The following NFASC variants were observed in gnomAD, a reference collection of about 807,000 sequenced individuals.
NFASC encodes neurofascin homolog.
Under a neutral mutation model 147.5 loss-of-function variants are expected in NFASC, and 43 were observed. The observed-to-expected ratio is 0.29, with a 90% CI of 0.23 to 0.38. NFASC has a LOEUF of 0.38. NFASC is among the 10% of genes least tolerant of loss of function. The pLI is 1.00. For synonymous variants in NFASC, 622 were observed against 665.5 expected (o/e 0.93, Z 1.01); for missense variants, 1,320 against 1,689.0 (o/e 0.78, Z 3.83).
At position 204,915,834 on chromosome 1, in the gene NFASC, G is replaced by A. The variant is rs532905166; in HGVS notation, c.-199-4798G>A. Among the ~76,000 whole-genome samples, 4 of 152,264 alleles carry A rather than the reference G, an allele frequency of 2.6e-5. No homozygotes were observed. The South Asian group carries it at 8.3e-4, about 32-fold the overall frequency. On this transcript the variant is annotated intron_variant, in intron 1 of 29. Transcript: ENST00000339876. ...GATGAGAAAGTGTAAGAGATCCCGG[G>A]ACCAGCTTATACTTTGTGGCAGAGG...
chr1:204,988,009 G>C (rs1418772107), intron 22 of NFASC, among the ~76,000 whole-genome samples: 1 of 152,212 alleles, frequency 6.6e-6, no homozygotes, highest in Non-Finnish European at 1.5e-5. Flanking sequence ...CGAATCAGGA[G>C]CCTGGGTTGG....
intron 1 of NFASC, among the ~76,000 whole-genome samples, chr1:204,889,427 G>A (rs1474773918): frequency 3.9e-5 from 6 of 152,196 alleles, no homozygotes. Context: ...TACCCTTTTG[G>A]TGATAGTACA....
intron 8 of NFASC, among the ~76,000 whole-genome samples, chr1:204,958,836 A>G (rs534274191): frequency 1.9e-4 from 29 of 152,270 alleles, no homozygotes; most frequent in African/African-American, 6.3e-4. Flanking sequence ...GTGGTGAACA[A>G]TGGCTCCCCG....
At chr1:204,963,204 A>G (rs988460981) in intron 8 of NFASC, among the ~76,000 whole-genome samples, 14 of 152,224 alleles carry the variant, frequency 9.2e-5, no homozygotes, top group African/African-American at 3.4e-4. Context: ...CTTGGCACCA[A>G]GCAGCTAGAA....
chr1:204,883,453 G>T (rs949115568), intron 1 of NFASC, among the ~76,000 whole-genome samples: 2 of 152,192 alleles, frequency 1.3e-5, no homozygotes, highest in Non-Finnish European at 2.9e-5. Context: ...CCCCACCAGG[G>T]AGCATCGACC....
rs769904507 is a variant in NFASC, at chr1:204,954,225, G to A, written c.253G>A (p.Ala85Thr). ...WTRNSRFFNI[A>T]KDPRVSMRRR... ...ACGAAACAGCAGATTCTTCAACATC[G>A]CCAAGGACCCCCGGGTGTCCATGAG... Residue 85 changes from alanine to threonine, a missense_variant, in exon 6 of 30, where the codon GCC becomes ACC. This residue lies in a region of NFASC where 981 missense variants were observed against 1,289.5 expected (regional missense o/e 0.76). Transcript: ENST00000339876. The surrounding 1 kb of genome is among the most constrained non-coding windows in gnomAD (Gnocchi z 5.7). 10 of 1,614,060 alleles carry A rather than the reference G, an allele frequency of 6.2e-6. No individual in the cohort carries two copies. Among genetic ancestry groups the A allele is most frequent in the Admixed American group, 3.3e-5 (2 of 60,008 alleles).
rs143868222 is a variant in NFASC at position 204,942,096 on chromosome 1, G to A, written c.-90-2130G>A. On this transcript the variant is annotated intron_variant, in intron 2 of 29. Coordinates refer to ENST00000339876, the MANE Select transcript of NFASC (RefSeq NM_001005388.3). The stretch of plus-strand genomic sequence containing the variant: ...TATGGTCGATTCTAAGAATAAAACA[G>A]TAAACAAGATAGGGTACCTTCCCTT... Among the ~76,000 whole-genome samples, 233 of 152,276 alleles carry A rather than the reference G, an allele frequency of 1.5e-3. 2 individuals are homozygous for A. Among genetic ancestry groups the A allele is most frequent in the African/African-American group, 5.2e-3 (217 of 41,556 alleles).
intron 3 of NFASC, chr1:204,947,110 C>A: frequency 3.3e-6 from 1 of 306,314 alleles, no homozygotes; most frequent in Non-Finnish European, 6.5e-6. Flanking sequence ...CCCAAAAGAA[C>A]GGGGAGAAGA....
intron 1 of NFASC, among the ~76,000 whole-genome samples, chr1:204,901,554 T>A (rs1024025217): frequency 1.1e-4 from 16 of 152,212 alleles, no homozygotes; most frequent in African/African-American, 2.9e-4. Context: ...AAAATTTGAT[T>A]GAGTTGTGGT....
At chr1:204,938,081 C>T (rs1348126400) in intron 2 of NFASC, among the ~76,000 whole-genome samples, 1 of 152,202 alleles carries the variant, frequency 6.6e-6, no homozygotes, top group Non-Finnish European at 1.5e-5. Context: ...GACAGCCTGC[C>T]CAGAACGTGG....
intron 2 of NFASC, among the ~76,000 whole-genome samples, chr1:204,923,529 A>G (rs1029350178): frequency 3.3e-5 from 5 of 151,998 alleles, no homozygotes; most frequent in African/African-American, 4.8e-5. Flanking sequence ...GATTAATTGC[A>G]CTCACACTCC....
At chr1:204,858,567 G>C (rs1354969120) in intron 1 of NFASC, among the ~76,000 whole-genome samples, 1 of 152,112 alleles carries the variant, frequency 6.6e-6, no homozygotes, top group Admixed American at 6.5e-5. Flanking sequence ...TTTATTCCTG[G>C]ATACTAGGCA....
intron 1 of NFASC, among the ~76,000 whole-genome samples, chr1:204,883,283 A>G (rs1216245564): frequency 6.6e-6 from 1 of 152,184 alleles, no homozygotes; most frequent in African/African-American, 2.4e-5. Flanking sequence ...TGGATAGAAC[A>G]AGGTGCAGAG....
At position 205,021,480 on chromosome 1, in the gene NFASC, T is replaced by G. The variant is rs2096400235; in HGVS notation, c.*4941T>G. 1 of 152,690 alleles carries G rather than the reference T, an allele frequency of 6.5e-6. No individual in the cohort carries two copies. The highest frequency in any genetic ancestry group is 2.1e-4 in the South Asian group (1 of 4,824). 9.5% of individuals were successfully genotyped at this position (152,690 alleles called of 1,614,324 possible). On this transcript the variant is annotated 3_prime_UTR_variant, in exon 30 of 30. Transcript: ENST00000339876. ...CTTAGGACAGAATCGGATTTCGGCA[T>G]GTGAAGGAATCCCAGAGCTGATCTC...
intron 2 of NFASC, among the ~76,000 whole-genome samples, chr1:204,921,473 C>T (rs2090470214): frequency 1.3e-5 from 2 of 152,166 alleles, no homozygotes; most frequent in Non-Finnish European, 2.9e-5. Context: ...GCATCTCTAC[C>T]TCATCGAAGG....
rs552836986 is a variant in NFASC at position 204,960,318 on chromosome 1, T to A, written c.706+2492T>A. On this transcript the variant is annotated intron_variant, in intron 8 of 29. Transcript: ENST00000339876. ...ATACTGGGTAATCTGAAATCATTTT[T>A]AAAACCTGGGATGCAGTCAAAGATA... is the stretch of plus-strand genomic sequence containing the variant. Among the ~76,000 whole-genome samples, 147 of 152,342 alleles carry A rather than the reference T, an allele frequency of 9.6e-4. 2 individuals are homozygous for A. The highest frequency in any genetic ancestry group is 3.5e-3 in the African/African-American group (145 of 41,590).
At chr1:204,909,378 G>A (rs1046321815) in intron 1 of NFASC, among the ~76,000 whole-genome samples, 5 of 152,076 alleles carry the variant, frequency 3.3e-5, no homozygotes, top group Non-Finnish European at 4.4e-5. Flanking sequence ...TTTCATGTGC[G>A]TATTTGTTGT....
intron 3 of NFASC, chr1:204,946,706 G>A (rs747453605): frequency 1.9e-6 from 1 of 518,706 alleles, no homozygotes; most frequent in South Asian, 1.4e-5. Flanking sequence ...GGCATTTCTG[G>A]CAATTTCTAT....
chr1:204,831,577 C>T (rs867798584), intron 1 of NFASC, among the ~76,000 whole-genome samples: 2 of 151,900 alleles, frequency 1.3e-5, no homozygotes, highest in East Asian at 1.9e-4. Context: ...GCCAGAGGCA[C>T]CCTGAGATCT....
Sources: gnomAD v4.1 joint callset for allele counts (sites outside exome capture counted in the v4.1 genomes callset) on GRCh38, gnomAD v4.1.1 for gene constraint, gnomAD v4.1.1 regional missense constraint, Gnocchi (gnomAD v3.1) non-coding constraint, MANE v1.5 for transcripts, NCBI Gene and HGNC (gene_info 2026-07-23, HGNC 2026-07-21) for gene names.